Variants in CAP2 observed in about 807,000 individuals in gnomAD.
The protein encoded by CAP2 is adenylyl cyclase-associated protein 2.
Under a neutral mutation model 57.7 loss-of-function variants are expected in CAP2, and 24 were observed. The ratio of observed to expected loss-of-function variants is 0.42; its 90% CI spans 0.30 to 0.58. The LOEUF is 0.58. CAP2 is among the 20% of genes least tolerant of loss of function. CAP2 has a pLI of 0.22. For synonymous variants in CAP2, 194 were observed against 207.2 expected (o/e 0.94, Z 0.55); for missense variants, 501 against 590.3 (o/e 0.85, Z 1.57).
chr6:17,450,223 T>G (rs1199575174), intron 3 of CAP2, among the ~76,000 whole-genome samples: 2 of 152,198 alleles, frequency 1.3e-5, no homozygotes, highest in South Asian at 2.1e-4. Flanking sequence ...GGCAAATTTT[T>G]GGTATTTTTA....
intron 7 of CAP2, among the ~76,000 whole-genome samples, chr6:17,522,788 G>C (rs909743485): frequency 1.3e-5 from 2 of 152,140 alleles, no homozygotes; most frequent in African/African-American, 2.4e-5. Context: ...CTTTGCCATA[G>C]GTTTTGTTGT....
Position 17,556,614 on chromosome 6 carries a change from A to G in CAP2, c.*172A>G. The stretch of plus-strand genomic sequence containing the variant: ...TGGCACGCCTCGTGGGCATTTTGAA[A>G]TATTTAACGTTTCCTCATGATTTGC... On this transcript the variant is annotated 3_prime_UTR_variant, in exon 13 of 13. Coordinates refer to ENST00000229922, the MANE Select transcript of CAP2 (RefSeq NM_006366.3). The G allele has an allele frequency of 1.8e-6, 1 of 561,570 alleles. No homozygotes were observed. Among genetic ancestry groups the G allele is most frequent in the Non-Finnish European group, 3.2e-6 (1 of 312,196 alleles). 34.8% of individuals were successfully genotyped at this position (561,570 alleles called of 1,614,324 possible). A position where few individuals can be genotyped will look rare whatever the true frequency, so the allele number is the denominator to read the frequency against.
intron 3 of CAP2, among the ~76,000 whole-genome samples, chr6:17,455,359 G>C (rs1760532276): frequency 6.6e-6 from 1 of 152,028 alleles, no homozygotes; most frequent in Non-Finnish European, 1.5e-5. Flanking sequence ...CCAAGGGCTG[G>C]CAGGTGTGCA....
chr6:17,548,459 TGA>T (rs1268701139), intron 11 of CAP2, among the ~76,000 whole-genome samples: 5 of 151,662 alleles, frequency 3.3e-5, no homozygotes, highest in South Asian at 2.1e-4. Context: ...AACAAAACTG[TGA>T]GGTACCTAGC....
At chr6:17,416,056 T>A (rs1005581293) in intron 1 of CAP2, among the ~76,000 whole-genome samples, 6 of 151,750 alleles carry the variant, frequency 4.0e-5, no homozygotes, top group African/African-American at 1.5e-4. Context: ...TGTAAAAATG[T>A]TCAGAGGGAA....
At position 17,541,022 on chromosome 6, in the gene CAP2, G is replaced by A; in HGVS notation, c.876G>A (p.Leu292=). ...DDQKTYKNPS[L]RAQGGQTQSP... ...AGAAGACATACAAAAATCCCAGCCT[G>A]CGGGCTCAAGGAGGGCAAACTCAAT... The change falls in exon 9 of 13, where the codon CTG becomes CTA. Residue 292 remains leucine (L), a synonymous_variant. Coordinates refer to ENST00000229922, the MANE Select transcript of CAP2 (RefSeq NM_006366.3). 6.2e-7 allele frequency: 1 copy of A among 1,614,088 alleles called. No homozygotes were observed. Among genetic ancestry groups the A allele is most frequent in the Non-Finnish European group, 8.5e-7 (1 of 1,179,982 alleles).
At chr6:17,448,030 G>A (rs571894710) in intron 3 of CAP2, among the ~76,000 whole-genome samples, 47 of 152,304 alleles carry the variant, frequency 3.1e-4, no homozygotes, top group Non-Finnish European at 5.7e-4. Context: ...TTCTATATAG[G>A]CACCTACTGG....
Position 17,556,491 on chromosome 6 carries a change from A to C in CAP2, c.*49A>C. The C allele has an allele frequency of 7.5e-7, 1 of 1,334,618 alleles. No individual in the cohort carries two copies. Among genetic ancestry groups the C allele is most frequent in the Non-Finnish European group, 1.1e-6 (1 of 925,110 alleles). The allele number at this position is 1,334,618 out of a possible 1,614,324, so 82.7% of individuals were successfully genotyped here. A position where few individuals can be genotyped will look rare whatever the true frequency, so the allele number is the denominator to read the frequency against. Reference sequence around the variant, plus strand: ...CACCTGAATCCCCCTCTATCAAACAAACAAAAAAGCAGCAGTAAAGAGCTA... The same window carrying C: ...CACCTGAATCCCCCTCTATCAAACACACAAAAAAGCAGCAGTAAAGAGCTA... On this transcript the variant is annotated 3_prime_UTR_variant, in exon 13 of 13. Coordinates refer to ENST00000229922, the MANE Select transcript of CAP2 (RefSeq NM_006366.3).
At chr6:17,444,482 CA>C in intron 3 of CAP2, among the ~76,000 whole-genome samples, 1 of 151,928 alleles carries the variant, frequency 6.6e-6, no homozygotes, top group East Asian at 1.9e-4. Flanking sequence ...ACTAAAAATA[CA>C]AAAATTAACT....
intron 4 of CAP2, among the ~76,000 whole-genome samples, chr6:17,478,361 G>T (rs965890956): frequency 6.7e-6 from 1 of 148,366 alleles, no homozygotes; most frequent in Admixed American, 6.8e-5. Context: ...GGCCAGGCTG[G>T]TCTCAAACTC....
Position 17,556,489 on chromosome 6 carries a change from C to A in CAP2, c.*47C>A. The A allele has an allele frequency of 1.5e-6, 2 of 1,357,798 alleles. No homozygotes were observed. The highest frequency in any genetic ancestry group is 1.7e-5 in the Admixed American group (1 of 59,252). 84.1% of individuals were successfully genotyped at this position (1,357,798 alleles called of 1,614,324 possible). A position where few individuals can be genotyped will look rare whatever the true frequency, so the allele number is the denominator to read the frequency against. On this transcript the variant is annotated 3_prime_UTR_variant, in exon 13 of 13. Coordinates refer to ENST00000229922, the MANE Select transcript of CAP2 (RefSeq NM_006366.3). Reference sequence around the variant, plus strand: ...CTCACCTGAATCCCCCTCTATCAAACAAACAAAAAAGCAGCAGTAAAGAGC... The same window carrying A: ...CTCACCTGAATCCCCCTCTATCAAAAAAACAAAAAAGCAGCAGTAAAGAGC...
intron 1 of CAP2, among the ~76,000 whole-genome samples, chr6:17,400,473 T>C (rs1459481862): frequency 3.9e-5 from 6 of 152,286 alleles, no homozygotes; most frequent in African/African-American, 1.4e-4. Context: ...GAATAGAAGA[T>C]GACACTTAAG....
chr6:17,539,559 C>T (rs1378212497), intron 8 of CAP2, 101 bp downstream of exon 8: 2 of 848,824 alleles, frequency 2.4e-6, no homozygotes, highest in African/African-American at 1.7e-5. Flanking sequence ...TCACTCCATC[C>T]CTGCCTCCAG....
chr6:17,449,010 C>T (rs995882941), intron 3 of CAP2, among the ~76,000 whole-genome samples: 5 of 152,222 alleles, frequency 3.3e-5, no homozygotes, highest in African/African-American at 1.2e-4. Context: ...GATCCACCCG[C>T]CTTGGGCTCC....
chr6:17,419,019 G>A (rs1246037363), intron 1 of CAP2, among the ~76,000 whole-genome samples: 2 of 152,146 alleles, frequency 1.3e-5, no homozygotes, highest in Non-Finnish European at 1.5e-5. Flanking sequence ...TATTTTGCAA[G>A]AGTAACTGCT....
intron 12 of CAP2, among the ~76,000 whole-genome samples, chr6:17,552,271 A>G (rs1034582831): frequency 7.9e-5 from 12 of 152,206 alleles, no homozygotes; most frequent in Non-Finnish European, 1.5e-5. Flanking sequence ...TCACACTTTG[A>G]AAAGGGAGTA....
chr6:17,452,278 C>T (rs139460331), intron 3 of CAP2, among the ~76,000 whole-genome samples: 6 of 152,338 alleles, frequency 3.9e-5, no homozygotes, highest in African/African-American at 1.2e-4. Flanking sequence ...TCTGATTTCT[C>T]ATTTCTTAAC....
chr6:17,540,978 C>T lies in CAP2; in HGVS notation c.832C>T (p.Arg278Cys), dbSNP rs771332228. 9.9e-6 allele frequency: 16 copies of T among 1,613,440 alleles called. No homozygotes were observed. Among genetic ancestry groups the T allele is most frequent in the South Asian group, 4.4e-5 (4 of 91,010 alleles). ...NQGEAITKGL[R>C]HVTDDQKTYK... ...CATGTGTGTTGTCCTCCTAGGGCTC[C>T]GCCATGTCACAGATGACCAGAAGAC... is the stretch of plus-strand genomic sequence containing the variant. Residue 278 changes from arginine (R) to cysteine (C), a missense_variant, in exon 9 of 13, where the codon CGC (arginine) becomes TGC (cysteine). Arg to Cys is a radical substitution (Grantham distance 180, BLOSUM62 -3). Transcript: ENST00000229922.
chr6:17,509,320 C>T (rs1195824187), intron 6 of CAP2, among the ~76,000 whole-genome samples: 3 of 151,732 alleles, frequency 2.0e-5, no homozygotes, highest in African/African-American at 7.3e-5. Flanking sequence ...TTAAGGATTA[C>T]AATATAAAAA....
Sources: allele counts gnomAD v4.1 joint callset (sites outside exome capture counted in the v4.1 genomes callset), GRCh38; gene constraint gnomAD v4.1.1; transcripts MANE v1.5; gene names NCBI Gene and HGNC (gene_info 2026-07-23, HGNC 2026-07-21).